The following FES variants were observed in gnomAD, a reference collection of about 807,000 sequenced individuals.
The protein encoded by FES is tyrosine-protein kinase Fes/Fps.
In FES, 83 loss-of-function variants were observed where a neutral mutation model predicts 109.6. The observed-to-expected ratio is 0.76, with a 90% CI of 0.63 to 0.91. FES has a LOEUF of 0.91. FES is among the 40% of genes least tolerant of loss of function. The probability of loss-of-function intolerance (pLI) is 0.00; values close to 1 mark genes in which losing one functional copy is unlikely to be tolerated. For synonymous variants in FES, 458 were observed against 442.1 expected (o/e 1.04, Z -0.45); for missense variants, 943 against 1,070.9 (o/e 0.88, Z 1.67).
At chr15:90,891,971 C>T (rs760332920) in intron 12 of FES, 87 bp from the exon 13 acceptor site, 56 of 1,525,874 alleles carry the variant, frequency 3.7e-5, no homozygotes, top group East Asian at 4.5e-5. Context: ...CATATGGAGG[C>T]GCCAAAAAAT....
chr15:90,886,943 C>T lies in FES; in HGVS notation c.388-18C>T. On this transcript the variant is annotated intron_variant, in intron 3 of 18. Transcript: ENST00000328850. ...CTGGGGACCTGCTGCCCCACACTGG[C>T]CTCTCCTCTCTCCCTAGACCCACAG... 1 of 1,612,196 alleles carries T rather than the reference C, an allele frequency of 6.2e-7. No individual in the cohort carries two copies. Among genetic ancestry groups the T allele is most frequent in the Non-Finnish European group, 8.5e-7 (1 of 1,178,308 alleles).
chr15:90,890,586 G>A, intron 10 of FES, 102 bp downstream of exon 10: 2 of 1,078,550 alleles, frequency 1.9e-6, no homozygotes. Flanking sequence ...GTATTGGGAA[G>A]TTCCTCTCTT....
rs140724143 is a variant in FES, at chr15:90,892,730, C to T, written c.1731C>T (p.Ser577=). The T allele has an allele frequency of 1.9e-4, 302 of 1,611,540 alleles. 1 individual carries two copies. The African/African-American group carries it at 2.0e-3, about 11-fold the overall frequency. ...AGGGGAACTTTGGCGAAGTGTTCAG[C>T]GGACGCCTGCGAGCCGACAACACCC... ...IGRGNFGEVF[S]GRLRADNTLV... is the part of the protein sequence containing the mutation. Residue 577 remains serine, a synonymous_variant, in exon 14 of 19, where the codon AGC becomes AGT. Coordinates refer to ENST00000328850, the MANE Select transcript of FES (RefSeq NM_002005.4).
chr15:90,892,792 C>A lies in FES; in HGVS notation c.1793C>A (p.Pro598His), dbSNP rs2033350959. ...AVKSCRETLP[P>H]DLKAKFLQEA... ...AAGTCTTGTCGAGAGACGCTCCCAC[C>A]TGACCTCAAGGCCAAGTTTCTACAG... The change falls in exon 14 of 19, where the codon CCT (proline) becomes CAT (histidine). Residue 598 changes from proline (P) to histidine (H), a missense_variant. Pro to His is a moderately conservative substitution (Grantham distance 77). Transcript: ENST00000328850. The A allele has an allele frequency of 6.2e-7, 1 of 1,613,836 alleles. No homozygotes were observed. Among genetic ancestry groups the A allele is most frequent in the Non-Finnish European group, 8.5e-7 (1 of 1,179,938 alleles).
At chr15:90,885,891 T>G (rs1010518157) in intron 3 of FES, among the ~76,000 whole-genome samples, 2 of 152,188 alleles carry the variant, frequency 1.3e-5, no homozygotes, top group African/African-American at 4.8e-5. Context: ...CATCTGGCTC[T>G]GGGTTCTGAG....
chr15:90,895,562 T>C lies in FES; in HGVS notation c.*4T>C. ...CATCCGAAAGCGGCATCGGTGAGGC[T>C]GGGACCCCCTTCTCAAGCTGGTGGC... On this transcript the variant is annotated 3_prime_UTR_variant, in exon 19 of 19. Transcript: ENST00000328850. 1 of 1,560,280 alleles carries C rather than the reference T, an allele frequency of 6.4e-7. No individual in the cohort carries two copies. Among genetic ancestry groups the C allele is most frequent in the South Asian group, 1.2e-5 (1 of 83,800 alleles).
chr15:90,887,587 T>C (rs1366700011), intron 5 of FES, among the ~76,000 whole-genome samples: 1 of 152,254 alleles, frequency 6.6e-6, no homozygotes, highest in East Asian at 1.9e-4. Context: ...TTACATTCAT[T>C]GAGCACTGTT....
intron 18 of FES, among the ~76,000 whole-genome samples, chr15:90,894,356 A>C (rs1006142600): frequency 6.6e-6 from 1 of 152,118 alleles, no homozygotes; most frequent in Admixed American, 6.5e-5. Context: ...AGGCCGAGGC[A>C]GGTGGATCAC....
intron 10 of FES, among the ~76,000 whole-genome samples, 182 bp from the exon 11 acceptor site, chr15:90,890,800 C>T (rs1222040500): frequency 6.6e-6 from 1 of 152,242 alleles, no homozygotes; most frequent in African/African-American, 2.4e-5. Flanking sequence ...CTTCCCAGCT[C>T]TGCCCAGCGT....
In FES at chr15:90,889,892, C is replaced by A. The variant is rs199975821; in HGVS notation, c.979C>A (p.Arg327=). 6.2e-7 allele frequency: 1 copy of A among 1,613,572 alleles called. No individual in the cohort carries two copies. Among genetic ancestry groups the A allele is most frequent in the African/African-American group, 1.3e-5 (1 of 74,918 alleles). The change falls in exon 8 of 19, where the codon CGG becomes AGG. Residue 327 remains arginine (R), a synonymous_variant. Transcript: ENST00000328850. This position sits in a 1 kb window ranked among gnomAD's most constrained non-coding sequence, Gnocchi z 6.1. ...LAVATEMVFR[R]QEMVTQLQQE... The stretch of plus-strand genomic sequence containing the variant: ...TGTGGCCACCGAGATGGTGTTCAGG[C>A]GGCAGGAGATGGTTACGCAGCTGCA...
Position 90,889,981 on chromosome 15 carries a change from G to A in FES, c.1049+19G>A. ...GGGAGCGGTGAGTGGGCCCCTGCCT[G>A]CAGCAGCCTCCTGGGCCTCCCTCCC... is the stretch of plus-strand genomic sequence containing the variant. On this transcript the variant is annotated intron_variant, in intron 8 of 18. Coordinates refer to ENST00000328850, the MANE Select transcript of FES (RefSeq NM_002005.4). The surrounding 1 kb of genome is among the most constrained non-coding windows in gnomAD (Gnocchi z 6.1). The A allele has an allele frequency of 6.2e-7, 1 of 1,611,938 alleles. No individual in the cohort carries two copies.
chr15:90,895,615 G>T lies in FES; in HGVS notation c.*57G>T, dbSNP rs535294359. On this transcript the variant is annotated 3_prime_UTR_variant, in exon 19 of 19. Transcript: ENST00000328850. Reference sequence around the variant, plus strand: ...CTGCAGGCCTAGGTGCAGCTCCTCAGCGGCTCCAGCTCATATGCTGACAGC... The same window carrying T: ...CTGCAGGCCTAGGTGCAGCTCCTCATCGGCTCCAGCTCATATGCTGACAGC... The T allele has an allele frequency of 5.4e-5, 78 of 1,439,668 alleles. No homozygotes were observed. The highest frequency in any genetic ancestry group is 4.2e-4 in the Admixed American group (17 of 40,740). 89.2% of individuals were successfully genotyped at this position (1,439,668 alleles called of 1,614,324 possible).
chr15:90,891,788 A>G (rs1314897432), intron 12 of FES, 112 bp downstream of exon 12: 3 of 1,469,062 alleles, frequency 2.0e-6, no homozygotes, highest in Non-Finnish European at 2.8e-6. Context: ...CCGTCTACAT[A>G]CAAGATGCAG....
Position 90,889,779 on chromosome 15 carries a change from T to A in FES, c.927-61T>A. On this transcript the variant is annotated intron_variant, in intron 7 of 18. Transcript: ENST00000328850. This position sits in a 1 kb window ranked among gnomAD's most constrained non-coding sequence, Gnocchi z 6.1. Reference sequence around the variant, plus strand: ...CTTGCTTGGCTCTACAGGGATGCACTGGACCTGGGTTGAGGGGGCAGGAGG... The same window carrying A: ...CTTGCTTGGCTCTACAGGGATGCACAGGACCTGGGTTGAGGGGGCAGGAGG... The A allele has an allele frequency of 6.2e-7, 1 of 1,608,994 alleles. No individual in the cohort carries two copies.
At chr15:90,884,751 G>T in intron 1 of FES, 1 of 340,020 alleles carries the variant, frequency 2.9e-6, no homozygotes, top group Non-Finnish European at 5.5e-6. Context: ...CCTGGGCAAG[G>T]GTGTCCCTGT....
chr15:90,892,928 G>A lies in FES; in HGVS notation c.1826+103G>A, dbSNP rs531092145. 1.0e-5 allele frequency: 14 copies of A among 1,390,480 alleles called. No individual in the cohort carries two copies. The African/African-American group carries it at 1.4e-4, about 14-fold the overall frequency. 86.1% of individuals were successfully genotyped at this position (1,390,480 alleles called of 1,614,324 possible). ...ACCACCGTGGTGGTGTTTAGTCCTC[G>A]AGGCCCCCCATTGCGGGTAGTACCC... On this transcript the variant is annotated intron_variant, in intron 14 of 18. Coordinates refer to ENST00000328850, the MANE Select transcript of FES (RefSeq NM_002005.4).
Position 90,890,095 on chromosome 15 carries a change from G to C in FES, c.1053G>C (p.Val351=), listed in dbSNP as rs1365179144. The C allele has an allele frequency of 5.9e-5, 92 of 1,554,632 alleles. No individual in the cohort carries two copies. Among genetic ancestry groups the C allele is most frequent in the Non-Finnish European group, 7.6e-5 (88 of 1,153,310 alleles). Residue 351 remains valine (V), a synonymous_variant, in exon 9 of 19, where the codon GTG becomes GTC. Coordinates refer to ENST00000328850, the MANE Select transcript of FES (RefSeq NM_002005.4). ...EEENTHPRER[V]QLLGKRQVLQ... is the part of the protein sequence containing the mutation. ...TCCCACCCGCCCCTGCCTGCAGGGT[G>C]CAGCTGCTGGGCAAGAGGCAAGTGC...
At chr15:90,886,578 TG>T (rs1441822396) in intron 3 of FES, among the ~76,000 whole-genome samples, 1 of 152,114 alleles carries the variant, frequency 6.6e-6, no homozygotes, top group Non-Finnish European at 1.5e-5. Flanking sequence ...AGTGAAATTG[TG>T]GGGGTCTTTG....
Position 90,891,077 on chromosome 15 carries a change from GCTGCTGGTGCA to G in FES, c.1419_1429del (p.Leu474TrpfsTer34), listed in dbSNP as rs1335229629. On this transcript the variant is annotated frameshift_variant, in exon 11 of 19. Coordinates refer to ENST00000328850, the MANE Select transcript of FES (RefSeq NM_002005.4). LOFTEE classifies it high-confidence loss of function. ...CCATCCCGAGGGCAGAGGTGGCTGA[GCTGCTGGTGCA>G]CTCTGGGGACTTCCTGGTGCGGGAG... 6.3e-7 allele frequency: 1 copy of G among 1,595,774 alleles called. No homozygotes were observed. Among genetic ancestry groups the G allele is most frequent in the Non-Finnish European group, 8.5e-7 (1 of 1,171,056 alleles).
Sources: gnomAD v4.1 joint callset for allele counts (sites outside exome capture counted in the v4.1 genomes callset) on GRCh38, gnomAD v4.1.1 for gene constraint, Gnocchi (gnomAD v3.1) non-coding constraint, MANE v1.5 for transcripts, NCBI Gene and HGNC (gene_info 2026-07-23, HGNC 2026-07-21) for gene names.